SPOPL: variants seen among roughly 807,000 people sequenced by gnomAD.
The protein encoded by SPOPL is speckle-type POZ protein-like.
Under a neutral mutation model 53.8 loss-of-function variants are expected in SPOPL, and 23 were observed. The observed-to-expected ratio is 0.43, with a 90% CI of 0.31 to 0.61. The LOEUF is 0.61. Ranked by LOEUF, SPOPL falls within the 20% of genes least tolerant of loss-of-function variation. The probability of loss-of-function intolerance (pLI) is 0.12; values close to 1 mark genes in which losing one functional copy is unlikely to be tolerated. For missense variants in SPOPL, 442 were observed against 466.9 expected (o/e 0.95, Z 0.49); for synonymous variants, 164 against 149.7 (o/e 1.10, Z -0.70).
At chr2:138,527,717 G>A (rs1318185390) in intron 1 of SPOPL, among the ~76,000 whole-genome samples, 3 of 152,106 alleles carry the variant, frequency 2.0e-5, no homozygotes, top group Non-Finnish European at 4.4e-5. Flanking sequence ...TTCCCCAAAT[G>A]TCTGTTATCC....
At chr2:138,525,262 G>T (rs1684645551) in intron 1 of SPOPL, among the ~76,000 whole-genome samples, 1 of 152,106 alleles carries the variant, frequency 6.6e-6, no homozygotes, top group Non-Finnish European at 1.5e-5. Flanking sequence ...GATCTCATGA[G>T]ACTCATTCAC....
chr2:138,524,345 A>C (rs1455053436), intron 1 of SPOPL, among the ~76,000 whole-genome samples: 5 of 151,888 alleles, frequency 3.3e-5, no homozygotes, highest in Non-Finnish European at 7.4e-5. Context: ...TTCCTTCTGA[A>C]CCTCCAGGCC....
chr2:138,550,817 CTCTCTCTCTT>C, intron 3 of SPOPL, 76 bp from the exon 4 acceptor site: 1 of 1,459,198 alleles, frequency 6.9e-7, no homozygotes, highest in Non-Finnish European at 9.1e-7. Context: ...TCAGTGTTCT[CTCTCTCTCTT>C]TCTCTCTCTC....
rs142663433 is a variant in SPOPL at position 138,530,132 on chromosome 2, T to G, written c.-60-20025T>G. Among the ~76,000 whole-genome samples the G allele has an allele frequency of 1.6e-3, 249 of 152,370 alleles. 1 individual carries two copies. Among genetic ancestry groups the G allele is most frequent in the Non-Finnish European group, 1.9e-3 (131 of 68,040 alleles). ...ATAATGGCCTCCAGCTCTATCCATG[T>G]TCCTGCAAAGGATATGATCTTGTTC... On this transcript the variant is annotated intron_variant, in intron 1 of 10. Transcript: ENST00000280098.
intron 1 of SPOPL, among the ~76,000 whole-genome samples, chr2:138,522,387 A>G (rs565880979): frequency 1.4e-4 from 21 of 152,246 alleles, no homozygotes; most frequent in African/African-American, 5.1e-4. Flanking sequence ...TAGCTATTTC[A>G]CTTATGCCTC....
rs57208490 is a variant in SPOPL at position 138,567,372 on chromosome 2, AGTGTGTGTGTGTGTGTGTGTGTGTGTGT to A, written c.1035-1529_1035-1502del. On this transcript the variant is annotated intron_variant, in intron 10 of 10. Transcript: ENST00000280098. ...TTTTAACAATGAGAAAGAGCAGTAT[AGTGTGTGTGTGTGTGTGTGTGTGTGTGT>A]GTGTGTGTGTGTGTGTGTGTGTGTG... Among the ~76,000 whole-genome samples, 585 of 113,036 alleles carry A rather than the reference AGTGTGTGTGTGTGTGTGTGTGTGTGTGT, an allele frequency of 5.2e-3. 23 individuals carry two copies. In the East Asian group the frequency reaches 0.11, roughly 22 times the overall value. 74.2% of individuals were successfully genotyped at this position (113,036 alleles called of 152,430 possible). A position where few individuals can be genotyped will look rare whatever the true frequency, so the allele number is the denominator to read the frequency against.
chr2:138,510,247 T>C (rs1387543687), intron 1 of SPOPL, among the ~76,000 whole-genome samples: 1 of 152,224 alleles, frequency 6.6e-6, no homozygotes, highest in Non-Finnish European at 1.5e-5. Flanking sequence ...GGACCATGAT[T>C]GATGGGTAGC....
chr2:138,564,327 T>A (rs1023240037), intron 8 of SPOPL: 6 of 177,438 alleles, frequency 3.4e-5, no homozygotes, highest in Admixed American at 5.7e-5. Context: ...TACGATTTAT[T>A]TAACGTTACA....
At chr2:138,561,517 G>A (rs535134787) in intron 8 of SPOPL, among the ~76,000 whole-genome samples, 5 of 152,178 alleles carry the variant, frequency 3.3e-5, no homozygotes, top group Non-Finnish European at 7.4e-5. Context: ...ATATATGTAC[G>A]TATGCATGTG....
intron 1 of SPOPL, among the ~76,000 whole-genome samples, chr2:138,518,062 A>G (rs1291281167): frequency 1.1e-4 from 16 of 151,056 alleles, no homozygotes; most frequent in South Asian, 8.3e-4. Context: ...AAAAAAAAAA[A>G]AAAGAAAAGG....
intron 1 of SPOPL, among the ~76,000 whole-genome samples, chr2:138,537,932 GTGGTTCAGTCTCTGC>G (rs1684972672): frequency 6.6e-6 from 1 of 152,194 alleles, no homozygotes; most frequent in East Asian, 1.9e-4. Flanking sequence ...TTTTTCATTA[GTGGTTCAGTCTCTGC>G]TGGTTATGGG....
chr2:138,511,419 C>T (rs138774714), intron 1 of SPOPL, among the ~76,000 whole-genome samples: 1 of 152,124 alleles, frequency 6.6e-6, no homozygotes, highest in Non-Finnish European at 1.5e-5. Context: ...ACCTTTACAT[C>T]AAATTTCCTT....
At chr2:138,530,567 A>G (rs1480195257) in intron 1 of SPOPL, among the ~76,000 whole-genome samples, 2 of 152,188 alleles carry the variant, frequency 1.3e-5, no homozygotes, top group African/African-American at 4.8e-5. Context: ...TAAAGATGGC[A>G]TCCTTCATTA....
intron 1 of SPOPL, among the ~76,000 whole-genome samples, chr2:138,535,796 C>A (rs1189807190): frequency 2.0e-5 from 3 of 151,856 alleles, no homozygotes; most frequent in African/African-American, 7.3e-5. Context: ...AAATAATGTC[C>A]TACAGTTCTC....
At chr2:138,529,715 T>C (rs1034903050) in intron 1 of SPOPL, among the ~76,000 whole-genome samples, 6 of 152,240 alleles carry the variant, frequency 3.9e-5, no homozygotes, top group African/African-American at 1.2e-4. Flanking sequence ...TGCATTTCCA[T>C]GTAAGTTTTA....
chr2:138,551,163 T>G, intron 4 of SPOPL, 109 bp downstream of exon 4: 3 of 1,253,422 alleles, frequency 2.4e-6, no homozygotes, highest in Non-Finnish European at 3.3e-6. Context: ...TAAAATCTGC[T>G]TAACCTGAAA....
chr2:138,537,255 G>C (rs140238918), intron 1 of SPOPL, among the ~76,000 whole-genome samples: 2 of 151,988 alleles, frequency 1.3e-5, no homozygotes, highest in Admixed American at 6.6e-5. Context: ...TCAAACAACC[G>C]AGCTCCCTGA....
intron 1 of SPOPL, among the ~76,000 whole-genome samples, chr2:138,522,693 T>C (rs1446402813): frequency 6.6e-6 from 1 of 152,182 alleles, no homozygotes; most frequent in Non-Finnish European, 1.5e-5. Context: ...CATTCTTTTC[T>C]ATAGCAGTGG....
chr2:138,555,951 T>G (rs1204061112), intron 5 of SPOPL, among the ~76,000 whole-genome samples: 1 of 152,210 alleles, frequency 6.6e-6, no homozygotes, highest in Non-Finnish European at 1.5e-5. Flanking sequence ...CCTGAATTTT[T>G]TATTCTAGGT....
Sources: gnomAD v4.1 joint callset for allele counts (sites outside exome capture counted in the v4.1 genomes callset) on GRCh38, gnomAD v4.1.1 for gene constraint, MANE v1.5 for transcripts, NCBI Gene and HGNC (gene_info 2026-07-23, HGNC 2026-07-21) for gene names.